Variants in NEGR1 observed in about 807,000 individuals in gnomAD.
The protein encoded by NEGR1 is neuronal growth regulator 1.
Under a neutral mutation model 40.9 loss-of-function variants are expected in NEGR1, and 10 were observed. The ratio of observed to expected loss-of-function variants is 0.24; its 90% confidence interval spans 0.15 to 0.42. The LOEUF (loss-of-function observed/expected upper bound fraction) is 0.42. Among genes scored for constraint, NEGR1 ranks in the 10% least tolerant of loss-of-function variants. The pLI, the probability that NEGR1 is intolerant of heterozygous loss-of-function variation, is 1.00. For missense variants in NEGR1, 352 were observed against 438.9 expected (o/e 0.80, Z 1.77); for synonymous variants, 185 against 166.8 (o/e 1.11, Z -0.84).
intron 1 of NEGR1, among the ~76,000 whole-genome samples, chr1:72,167,796 T>C (rs980285973): frequency 6.6e-6 from 1 of 151,960 alleles, no homozygotes; most frequent in Non-Finnish European, 1.5e-5. Context: ...TTCTGTAAAA[T>C]GTTAAGGATT....
intron 6 of NEGR1, among the ~76,000 whole-genome samples, chr1:71,490,683 G>T (rs1234620065): frequency 6.6e-6 from 1 of 151,914 alleles, no homozygotes; most frequent in Non-Finnish European, 1.5e-5. Context: ...GAGGATTCTG[G>T]GGAATGTGTC....
chr1:71,644,083 A>G (rs1330030176), intron 4 of NEGR1, among the ~76,000 whole-genome samples: 1 of 151,928 alleles, frequency 6.6e-6, no homozygotes, highest in African/African-American at 2.4e-5. Flanking sequence ...AAAGAGTTCC[A>G]CTTTTCTTTG....
intron 1 of NEGR1, among the ~76,000 whole-genome samples, chr1:72,046,095 A>G (rs891499622): frequency 6.6e-6 from 1 of 151,778 alleles, no homozygotes; most frequent in Admixed American, 6.6e-5. Flanking sequence ...ACTAATGAGG[A>G]AAAACTGTAT....
chr1:72,201,364 T>C (rs1038410253), intron 1 of NEGR1, among the ~76,000 whole-genome samples: 1 of 151,614 alleles, frequency 6.6e-6, no homozygotes, highest in South Asian at 2.1e-4. Context: ...CATAAAACTA[T>C]AGTGATACAA....
rs116308729 is a variant in NEGR1 at position 71,492,692 on chromosome 1, G to C, written c.941-85122C>G. On this transcript the variant is annotated intron_variant, in intron 6 of 6. Coordinates refer to ENST00000357731, the MANE Select transcript of NEGR1 (RefSeq NM_173808.3). The stretch of plus-strand genomic sequence containing the variant: ...TTACTGAATATGTGCAAGACACAAA[G>C]CTGGTTAGGTTAAATAAAATGACAC... Among the ~76,000 whole-genome samples the C allele has an allele frequency of 3.5e-3, 532 of 152,148 alleles. 4 individuals are homozygous for C. Among genetic ancestry groups the C allele is most frequent in the African/African-American group, 0.012 (505 of 41,514 alleles).
intron 2 of NEGR1, among the ~76,000 whole-genome samples, chr1:71,811,403 T>G (rs1657995319): frequency 6.6e-6 from 1 of 152,126 alleles, no homozygotes; most frequent in Non-Finnish European, 1.5e-5. Context: ...TTTGTATAGG[T>G]GGTTCTTCCT....
At chr1:71,636,310 G>C (rs993797215) in intron 4 of NEGR1, among the ~76,000 whole-genome samples, 16 of 152,006 alleles carry the variant, frequency 1.1e-4, no homozygotes, top group African/African-American at 3.9e-4. Flanking sequence ...TAATCTGGAG[G>C]TTCTTTAATG....
intron 5 of NEGR1, among the ~76,000 whole-genome samples, chr1:71,595,158 T>C (rs879805964): frequency 2.0e-5 from 3 of 152,280 alleles, no homozygotes; most frequent in Non-Finnish European, 2.9e-5. Flanking sequence ...CCATACTCTG[T>C]ATGTGTGGGC....
chr1:71,794,615 T>C (rs1657253017), intron 2 of NEGR1: 1 of 151,846 alleles, frequency 6.6e-6, no homozygotes, highest in Non-Finnish European at 1.5e-5. Context: ...AGATTAAAAG[T>C]CCAAATATTA....
At chr1:71,830,618 T>C (rs1226404619) in intron 2 of NEGR1, among the ~76,000 whole-genome samples, 1 of 151,808 alleles carries the variant, frequency 6.6e-6, no homozygotes, top group African/African-American at 2.4e-5. Flanking sequence ...GTTAGTTCAA[T>C]GTTAGTAAGA....
At chr1:71,774,213 G>A (rs1269384083) in intron 3 of NEGR1, among the ~76,000 whole-genome samples, 1 of 152,138 alleles carries the variant, frequency 6.6e-6, no homozygotes, top group African/African-American at 2.4e-5. Context: ...ATGTGCACAA[G>A]GATTGGCAGA....
At chr1:71,853,023 T>C (rs1659656458) in intron 2 of NEGR1, among the ~76,000 whole-genome samples, 1 of 152,108 alleles carries the variant, frequency 6.6e-6, no homozygotes, top group Admixed American at 6.6e-5. Context: ...AAATTTCTAA[T>C]AGTCATGAAT....
At chr1:72,008,180 C>A (rs1302631945) in intron 1 of NEGR1, among the ~76,000 whole-genome samples, 1 of 151,962 alleles carries the variant, frequency 6.6e-6, no homozygotes, top group Admixed American at 6.6e-5. Flanking sequence ...TTACTATGCA[C>A]ATTTTAGAGA....
At chr1:71,956,727 G>C (rs1216750470) in intron 1 of NEGR1, among the ~76,000 whole-genome samples, 2 of 151,978 alleles carry the variant, frequency 1.3e-5, no homozygotes, top group Non-Finnish European at 2.9e-5. Flanking sequence ...AGTACACTTG[G>C]TCTAAAGTCT....
In NEGR1 at chr1:71,862,028, A is replaced by G. The variant is rs140704538; in HGVS notation, c.409+73051T>C. 2.3e-3 allele frequency among the ~76,000 whole-genome samples: 355 copies of G among 152,226 alleles called. 1 individual carries two copies. Among genetic ancestry groups the G allele is most frequent in the African/African-American group, 8.0e-3 (333 of 41,560 alleles). On this transcript the variant is annotated intron_variant, in intron 2 of 6. Coordinates refer to ENST00000357731, the MANE Select transcript of NEGR1 (RefSeq NM_173808.3). Reference sequence around the variant, plus strand: ...TGTGACAGAAGACACAATATTTCTTAATGTGTTAGAGAATTTGTTTACATT... The same window carrying G: ...TGTGACAGAAGACACAATATTTCTTGATGTGTTAGAGAATTTGTTTACATT...
chr1:72,038,221 A>G (rs935203869), intron 1 of NEGR1, among the ~76,000 whole-genome samples: 3 of 152,088 alleles, frequency 2.0e-5, no homozygotes, highest in African/African-American at 4.8e-5. Flanking sequence ...GCAGTTGCAC[A>G]TACGATTAGG....
chr1:71,755,622 G>A (rs192611372), intron 3 of NEGR1, among the ~76,000 whole-genome samples: 6 of 152,218 alleles, frequency 3.9e-5, no homozygotes, highest in South Asian at 4.1e-4. Context: ...AACAACTTTT[G>A]TCTTGCCTTC....
chr1:71,763,930 T>C (rs1485909842), intron 3 of NEGR1, among the ~76,000 whole-genome samples: 2 of 152,200 alleles, frequency 1.3e-5, no homozygotes, highest in Admixed American at 1.3e-4. Context: ...CATTCATTGG[T>C]TCAGCAATCT....
intron 2 of NEGR1, among the ~76,000 whole-genome samples, chr1:71,798,530 T>A (rs532558424): frequency 6.6e-6 from 1 of 152,216 alleles, no homozygotes; most frequent in Non-Finnish European, 1.5e-5. Context: ...TAACTATTTA[T>A]GCATATTAAA....
Sources: allele counts gnomAD v4.1 joint callset (sites outside exome capture counted in the v4.1 genomes callset), GRCh38; gene constraint gnomAD v4.1.1; transcripts MANE v1.5; gene names NCBI Gene and HGNC (gene_info 2026-07-23, HGNC 2026-07-21).